The following PRCP variants were observed in gnomAD, a reference collection of about 807,000 sequenced individuals.
The protein encoded by PRCP is prolylcarboxypeptidase.
Under a neutral mutation model 54.2 loss-of-function variants are expected in PRCP, and 46 were observed. The ratio of observed to expected loss-of-function variants is 0.85; its 90% CI spans 0.67 to 1.09. The LOEUF (loss-of-function observed/expected upper bound fraction) is 1.09, where lower values mean the gene tolerates loss of function less well. Among genes scored for constraint, PRCP ranks in the 50% least tolerant of loss-of-function variants. The probability of loss-of-function intolerance (pLI) is 0.00; values close to 1 mark genes in which losing one functional copy is unlikely to be tolerated. For missense variants in PRCP, 613 were observed against 596.8 expected, an observed-to-expected ratio of 1.03 and a Z score of -0.28; for synonymous variants, 240 against 212.2, an observed-to-expected ratio of 1.13 and a Z score of -1.14.
chr11:82,840,324 A>G (rs1032051339), intron 6 of PRCP: 14 of 152,166 alleles, frequency 9.2e-5, no homozygotes, highest in African/African-American at 3.4e-4. Context: ...GAAAAATGAT[A>G]TAATTTGTGT....
At chr11:82,874,126 A>G (rs1282771399) in intron 1 of PRCP, among the ~76,000 whole-genome samples, 3 of 152,348 alleles carry the variant, frequency 2.0e-5, no homozygotes, top group South Asian at 2.1e-4. Flanking sequence ...AGCTCAGAAC[A>G]ATAACAACAA....
intron 1 of PRCP, 63 bp downstream of exon 1, chr11:82,900,172 G>T (rs1426283847): frequency 6.3e-7 from 1 of 1,576,704 alleles, no homozygotes. Flanking sequence ...CGTTGCCCGG[G>T]CTCTGAGGGT....
intron 1 of PRCP, among the ~76,000 whole-genome samples, chr11:82,899,741 G>C (rs1860210401): frequency 6.6e-6 from 1 of 152,158 alleles, no homozygotes; most frequent in Non-Finnish European, 1.5e-5. Flanking sequence ...TAATAATAGG[G>C]CTACAAAATC....
chr11:82,825,177 T>A, intron 8 of PRCP, 55 bp from the exon 9 acceptor site: 1 of 1,470,014 alleles, frequency 6.8e-7, no homozygotes, highest in Non-Finnish European at 9.3e-7. Context: ...ATGTTAACAC[T>A]CAGATAAGCT....
chr11:82,857,143 A>G (rs780030107), intron 2 of PRCP, among the ~76,000 whole-genome samples: 8 of 152,200 alleles, frequency 5.3e-5, no homozygotes, highest in Non-Finnish European at 7.4e-5. Flanking sequence ...ACAACATAAA[A>G]GAGAAAGCAA....
chr11:82,896,270 G>C (rs1006053382), intron 1 of PRCP, among the ~76,000 whole-genome samples: 1 of 152,172 alleles, frequency 6.6e-6, no homozygotes, highest in Admixed American at 6.5e-5. Context: ...CGGCTATTTA[G>C]TCAAATATCA....
Position 82,824,851 on chromosome 11 carries a change from T to A in PRCP, c.*55A>T. ...ATTACATGTAGAAAATCAAAGTGAATGGGAATGTGGTGGTGTGAACATAAA... is the reference window on the plus strand; with the variant it reads ...ATTACATGTAGAAAATCAAAGTGAAAGGGAATGTGGTGGTGTGAACATAAA... On this transcript the variant is annotated 3_prime_UTR_variant, in exon 9 of 9. Coordinates refer to ENST00000313010, the MANE Select transcript of PRCP (RefSeq NM_005040.4). 1 of 1,502,626 alleles carries A rather than the reference T, an allele frequency of 6.7e-7. No homozygotes were observed. The highest frequency in any genetic ancestry group is 2.4e-5 in the East Asian group (1 of 42,332). The allele number at this position is 1,502,626 out of a possible 1,614,324, so 93.1% of individuals were successfully genotyped here.
chr11:82,863,385 T>C (rs193182007), intron 1 of PRCP, among the ~76,000 whole-genome samples: 1 of 152,324 alleles, frequency 6.6e-6, no homozygotes, highest in East Asian at 1.9e-4. Flanking sequence ...ACTGTATCAT[T>C]TGAAACTCAA....
intron 6 of PRCP, among the ~76,000 whole-genome samples, chr11:82,841,055 T>TAGACTAGTCCTGACAAAAAAA (rs1230540426): frequency 1.3e-5 from 2 of 149,580 alleles, no homozygotes; most frequent in Non-Finnish European, 3.0e-5. Context: ...ATATATATAA[T>TAGACTAGTCCTGACAAAAAAA]AGACTAGTCC....
chr11:82,854,369 C>A (rs1859029652), intron 2 of PRCP, among the ~76,000 whole-genome samples: 1 of 152,106 alleles, frequency 6.6e-6, no homozygotes, highest in Non-Finnish European at 1.5e-5. Context: ...AACAATCAAG[C>A]TAACAGCCAA....
At chr11:82,861,831 T>G (rs1341807989) in intron 1 of PRCP, among the ~76,000 whole-genome samples, 1 of 152,206 alleles carries the variant, frequency 6.6e-6, no homozygotes. Flanking sequence ...GATTGGATCC[T>G]AGTTTGAACA....
At chr11:82,898,913 G>C (rs1226798240) in intron 1 of PRCP, among the ~76,000 whole-genome samples, 1 of 152,126 alleles carries the variant, frequency 6.6e-6, no homozygotes, top group African/African-American at 2.4e-5. Flanking sequence ...GGGAGGCCAA[G>C]ACAGGGGCAT....
intron 1 of PRCP, chr11:82,884,746 C>T: frequency 6.3e-7 from 1 of 1,595,678 alleles, no homozygotes; most frequent in Non-Finnish European, 8.5e-7. Context: ...CCATCTTGGC[C>T]ATTTATTAGC....
At position 82,850,461 on chromosome 11, in the gene PRCP, A is replaced by C. The variant is rs1858928746; in HGVS notation, c.456T>G (p.Ala152=). The change falls in exon 4 of 9, where the codon GCT becomes GCG. Residue 152 remains alanine, a synonymous_variant. Coordinates refer to ENST00000313010, the MANE Select transcript of PRCP (RefSeq NM_005040.4). ...AGTGTTTGATTAACTCTGCAAAATC[A>C]GCCAGAGCTTGTTCTGATGTCAGGA... ...LNFLTSEQAL[A]DFAELIKHLK... is the part of the protein sequence containing the mutation. The C allele has an allele frequency of 1.9e-6, 3 of 1,597,496 alleles. No homozygotes were observed. The highest frequency in any genetic ancestry group is 2.6e-6 in the Non-Finnish European group (3 of 1,171,250).
chr11:82,883,478 T>C (rs1309858195), intron 1 of PRCP, among the ~76,000 whole-genome samples: 2 of 152,122 alleles, frequency 1.3e-5, no homozygotes, highest in African/African-American at 4.8e-5. Flanking sequence ...TAAATAACAA[T>C]AAATAATAAA....
Position 82,900,266 on chromosome 11 carries a change from T to C in PRCP, c.137A>G (p.Lys46Arg). The change falls in exon 1 of 9, where the codon AAG becomes AGG. Residue 46 changes from lysine (K) to arginine (R), a missense_variant. Physicochemically the swap from Lys to Arg is conservative, Grantham distance 26. Coordinates refer to ENST00000313010, the MANE Select transcript of PRCP (RefSeq NM_005040.4). Reference protein sequence around the residue: ...TNPTSLPAVAKNYSVLYFQQK... With the variant: ...TNPTSLPAVARNYSVLYFQQK... Reference sequence around the variant, plus strand: ...TTGGAAGTAGAGAACCGAATAGTTCTTGGCTACAGCCGGGAGGGATGTGGG... The same window carrying C: ...TTGGAAGTAGAGAACCGAATAGTTCCTGGCTACAGCCGGGAGGGATGTGGG... 2 of 1,614,246 alleles carry C rather than the reference T, an allele frequency of 1.2e-6. No homozygotes were observed. Among genetic ancestry groups the C allele is most frequent in the East Asian group, 2.2e-5 (1 of 44,890 alleles).
rs571161591 is a variant in PRCP, at chr11:82,883,001, A to G, written c.168+17234T>C. Among the ~76,000 whole-genome samples the G allele has an allele frequency of 2.6e-5, 4 of 152,236 alleles. No individual in the cohort carries two copies. In the South Asian group the frequency reaches 6.2e-4, roughly 24 times the overall value. On this transcript the variant is annotated intron_variant, in intron 1 of 8. Transcript: ENST00000313010. ...GTGTCTATGCCATATTGGTAGTACA[A>G]TACTGGCAGACTGTTGACAAAACCA...
At chr11:82,874,702 A>G (rs1182766012) in intron 1 of PRCP, among the ~76,000 whole-genome samples, 5 of 145,978 alleles carry the variant, frequency 3.4e-5, no homozygotes, top group Non-Finnish European at 6.0e-5. Context: ...AAAAAAAAAA[A>G]AAAAAAAGAA....
At chr11:82,835,184 A>G (rs1858490369) in intron 8 of PRCP, among the ~76,000 whole-genome samples, 1 of 152,256 alleles carries the variant, frequency 6.6e-6, no homozygotes, top group African/African-American at 2.4e-5. Flanking sequence ...CATCCTACAC[A>G]TGTACCCCAG....
Sources: gnomAD v4.1 joint callset for allele counts (sites outside exome capture counted in the v4.1 genomes callset) on GRCh38, gnomAD v4.1.1 for gene constraint, MANE v1.5 for transcripts, NCBI Gene and HGNC (gene_info 2026-07-23, HGNC 2026-07-21) for gene names.